The following KLRB1 variants were observed in gnomAD, a reference collection of about 807,000 sequenced individuals.
KLRB1 encodes killer cell lectin like receptor B1.
Under a neutral mutation model 33.5 loss-of-function variants are expected in KLRB1, and 27 were observed. The ratio of observed to expected loss-of-function variants is 0.81; its 90% CI spans 0.59 to 1.11. The LOEUF is 1.11. KLRB1 is among the 50% of genes most tolerant of loss of function. The pLI, the probability that KLRB1 is intolerant of heterozygous loss-of-function variation, is 0.00. For missense variants in KLRB1, 241 were observed against 254.1 expected, an observed-to-expected ratio of 0.95 and a Z score of 0.35; for synonymous variants, 64 against 88.9, an observed-to-expected ratio of 0.72 and a Z score of 1.58.
intron 1 of KLRB1, chr12:9,606,556 A>G (rs1247720654): frequency 6.6e-6 from 1 of 151,244 alleles, no homozygotes; most frequent in Non-Finnish European, 1.5e-5. Context: ...TAGTAATGAT[A>G]TTCAAATCTT....
At position 9,595,221 on chromosome 12, in the gene KLRB1, A is replaced by T; in HGVS notation, c.*53T>A. The T allele has an allele frequency of 6.5e-7, 1 of 1,527,498 alleles. No individual in the cohort carries two copies. The highest frequency in any genetic ancestry group is 9.1e-7 in the Non-Finnish European group (1 of 1,104,366). The allele number at this position is 1,527,498 out of a possible 1,614,324, so 94.6% of individuals were successfully genotyped here. ...GGTAGTACCAATAGTATGTGCAGCT[A>T]CAAGTACAGAGATCAGTAATGGGAA... On this transcript the variant is annotated 3_prime_UTR_variant, in exon 6 of 6. Coordinates refer to ENST00000229402, the MANE Select transcript of KLRB1 (RefSeq NM_002258.3).
intron 1 of KLRB1, among the ~76,000 whole-genome samples, chr12:9,607,209 A>G (rs1224738894): frequency 6.6e-6 from 1 of 151,302 alleles, no homozygotes; most frequent in Admixed American, 6.6e-5. Context: ...CATGTAAAAT[A>G]TTTTTCCTTC....
intron 1 of KLRB1, among the ~76,000 whole-genome samples, chr12:9,602,648 A>G (rs1382038122): frequency 6.6e-6 from 1 of 151,938 alleles, no homozygotes; most frequent in South Asian, 2.1e-4. Flanking sequence ...TATAAATTCT[A>G]TTATTAGAGC....
At chr12:9,607,577 G>T (rs1465635367) in intron 1 of KLRB1, 178 bp downstream of exon 1, 1 of 550,210 alleles carries the variant, frequency 1.8e-6, no homozygotes. Context: ...AATGTATGAG[G>T]TTTAAATTTT....
At position 9,601,511 on chromosome 12, in the gene KLRB1, C is replaced by A. The variant is rs778279235; in HGVS notation, c.174G>T (p.Leu58Phe). ...IILLVLVVTG[L>F]SVSVTSLIQK... is the part of the protein sequence containing the mutation. ...TGGTGCCCCACTTACCTGAAACACT[C>A]AACCCAGTAACAACCAAGACAAGGA... Residue 58 changes from leucine (L) to phenylalanine (F), a missense_variant, in exon 2 of 6, where the codon TTG (leucine) becomes TTT (phenylalanine). Leu to Phe is a conservative substitution (Grantham distance 22). Coordinates refer to ENST00000229402, the MANE Select transcript of KLRB1 (RefSeq NM_002258.3). The A allele has an allele frequency of 3.7e-6, 6 of 1,611,958 alleles. No individual in the cohort carries two copies. In the East Asian group the frequency reaches 1.3e-4, roughly 36 times the overall value.
intron 1 of KLRB1, among the ~76,000 whole-genome samples, chr12:9,604,037 A>AG (rs1864574064): frequency 1.3e-5 from 2 of 151,562 alleles, no homozygotes; most frequent in Middle Eastern, 3.2e-3. Flanking sequence ...TTTTAACTAT[A>AG]GGTAAAAGGC....
chr12:9,603,009 G>T (rs979910511), intron 1 of KLRB1, among the ~76,000 whole-genome samples: 1 of 152,092 alleles, frequency 6.6e-6, no homozygotes, highest in African/African-American at 2.4e-5. Flanking sequence ...ATTTAGTAGC[G>T]TTAGATGTGA....
chr12:9,603,300 T>C (rs1276505963), intron 1 of KLRB1, among the ~76,000 whole-genome samples: 3 of 152,198 alleles, frequency 2.0e-5, no homozygotes, highest in Admixed American at 6.5e-5. Context: ...TCCAGTTTTA[T>C]ATATGTACGT....
chr12:9,606,763 T>A (rs373622973), intron 1 of KLRB1, among the ~76,000 whole-genome samples: 1,713 of 99,410 alleles, frequency 0.017, 105 homozygotes, highest in Non-Finnish European at 0.026. Flanking sequence ...TATATATATT[T>A]TTTTTTTTTT....
chr12:9,599,096 A>C (rs1864517225), intron 3 of KLRB1, among the ~76,000 whole-genome samples: 2 of 152,250 alleles, frequency 1.3e-5, no homozygotes, highest in South Asian at 4.1e-4. Context: ...AATGATGCAC[A>C]AAATGCATAG....
chr12:9,607,335 C>CCTTCCTTCCTTCCTTCCTTTCTTTCTTT (rs1864621978), intron 1 of KLRB1, among the ~76,000 whole-genome samples: 1 of 65,170 alleles, frequency 1.5e-5, no homozygotes, highest in East Asian at 6.3e-4. Context: ...CTCTTTCTTT[C>CCTTCCTTCCTTCCTTCCTTTCTTTCTTT]CTTTCTTTCT....
chr12:9,600,651 T>TTAAGGGC (rs1274581136), intron 2 of KLRB1, among the ~76,000 whole-genome samples: 1 of 152,170 alleles, frequency 6.6e-6, no homozygotes, highest in African/African-American at 2.4e-5. Context: ...GTTGAATGGA[T>TTAAGGGC]TAAGGGCGGT....
At position 9,595,241 on chromosome 12, in the gene KLRB1, T is replaced by G. The variant is rs755382963; in HGVS notation, c.*33A>C. On this transcript the variant is annotated 3_prime_UTR_variant, in exon 6 of 6. Coordinates refer to ENST00000229402, the MANE Select transcript of KLRB1 (RefSeq NM_002258.3). ...CAGCTACAAGTACAGAGATCAGTAATGGGAAGCAAATAAATTGAGATGGGA... is the reference window on the plus strand; with the variant it reads ...CAGCTACAAGTACAGAGATCAGTAAGGGGAAGCAAATAAATTGAGATGGGA... 16 of 1,600,766 alleles carry G rather than the reference T, an allele frequency of 1.0e-5. No homozygotes were observed. Among genetic ancestry groups the G allele is most frequent in the African/African-American group, 1.3e-5 (1 of 74,620 alleles).
intron 3 of KLRB1, among the ~76,000 whole-genome samples, chr12:9,599,445 A>G (rs757542749): frequency 1.3e-5 from 2 of 152,240 alleles, no homozygotes; most frequent in East Asian, 3.8e-4. Flanking sequence ...ACAGCTCACT[A>G]AAATAATCAG....
rs750757177 is a variant in KLRB1, at chr12:9,607,758, G to A, written c.82C>T (p.Arg28Trp). ...PESSSPSSLP[R>W]DVCQGSPWHQ... The stretch of plus-strand genomic sequence containing the variant: ...AAGGAAAATTAAAGCCACTTACCCC[G>A]AGGAAGAGATGAAGGTGAAGAACTT... The change falls in exon 1 of 6, where the codon CGG becomes TGG. Residue 28 changes from arginine (R) to tryptophan (W), a missense_variant. Transcript: ENST00000229402. 8.5e-5 allele frequency: 137 copies of A among 1,607,098 alleles called. No individual in the cohort carries two copies. Among genetic ancestry groups the A allele is most frequent in the Middle Eastern group, 1.6e-4 (1 of 6,072 alleles).
At chr12:9,605,730 A>G (rs1266949432) in intron 1 of KLRB1, among the ~76,000 whole-genome samples, 3 of 152,348 alleles carry the variant, frequency 2.0e-5, no homozygotes, top group Admixed American at 6.5e-5. Flanking sequence ...CCAGAGACCA[A>G]TAGTGGTTTT....
intron 2 of KLRB1, 58 bp downstream of exon 2, chr12:9,601,443 A>G (rs1769705089): frequency 7.7e-7 from 1 of 1,301,772 alleles, no homozygotes; most frequent in South Asian, 1.2e-5. Flanking sequence ...GAGATGCTCT[A>G]AGATACGTAA....
chr12:9,598,578 A>G lies in KLRB1; in HGVS notation c.335T>C (p.Val112Ala), dbSNP rs745911437. The G allele has an allele frequency of 1.2e-6, 2 of 1,613,290 alleles. No homozygotes were observed. Among genetic ancestry groups the G allele is most frequent in the Non-Finnish European group, 1.7e-6 (2 of 1,179,442 alleles). Residue 112 changes from valine (V) to alanine (A), a missense_variant, in exon 4 of 6, where the codon GTC becomes GCC. Physicochemically the swap from Val to Ala is moderately conservative, Grantham distance 64 (BLOSUM62 0). Coordinates refer to ENST00000229402, the MANE Select transcript of KLRB1 (RefSeq NM_002258.3). ...AGCTAGACTGTTATTCCAAGGGTTGACAGTGTGAGAAAATAACAAGCATTT... is the reference window on the plus strand; with the variant it reads ...AGCTAGACTGTTATTCCAAGGGTTGGCAGTGTGAGAAAATAACAAGCATTT... ...REKCLLFSHTVNPWNNSLADC... is the reference protein window; with the variant it reads ...REKCLLFSHTANPWNNSLADC...
At chr12:9,603,135 T>TA (rs1267163409) in intron 1 of KLRB1, among the ~76,000 whole-genome samples, 1 of 152,138 alleles carries the variant, frequency 6.6e-6, no homozygotes, top group African/African-American at 2.4e-5. Context: ...GAGGAGTAGA[T>TA]ACCTAGAGGA....
Sources: gnomAD v4.1 joint callset for allele counts (sites outside exome capture counted in the v4.1 genomes callset) on GRCh38, gnomAD v4.1.1 for gene constraint, MANE v1.5 for transcripts, NCBI Gene and HGNC (gene_info 2026-07-23, HGNC 2026-07-21) for gene names.